Variants in GPM6A observed in about 807,000 individuals in gnomAD.
The protein encoded by GPM6A is neuronal membrane glycoprotein M6-a.
GPM6A carries 7 observed loss-of-function variants against 32.1 expected under a neutral mutation model. That is an observed-to-expected ratio of 0.22 (90% confidence interval 0.12 to 0.41). GPM6A has a LOEUF of 0.41. GPM6A is among the 10% of genes least tolerant of loss of function. GPM6A has a pLI of 1.00. For synonymous variants in GPM6A, 130 were observed against 123.4 expected (o/e 1.05, Z -0.35); for missense variants, 235 against 347.2 (o/e 0.68, Z 2.57).
chr4:175,823,272 T>C (rs1020313877), intron 1 of GPM6A, among the ~76,000 whole-genome samples: 1 of 152,232 alleles, frequency 6.6e-6, no homozygotes, highest in African/African-American at 2.4e-5. Context: ...TTCTTCAGTT[T>C]TGAGTAAAGG....
chr4:175,943,823 A>G (rs1049720134), intron 1 of GPM6A, among the ~76,000 whole-genome samples: 3 of 152,098 alleles, frequency 2.0e-5, no homozygotes, highest in African/African-American at 7.2e-5. Context: ...TTCATCAGGG[A>G]TATTGGCCTG....
intron 3 of GPM6A, among the ~76,000 whole-genome samples, chr4:175,669,736 A>G (rs905897543): frequency 1.3e-5 from 2 of 152,222 alleles, no homozygotes; most frequent in Non-Finnish European, 2.9e-5. Flanking sequence ...TTCTACCACC[A>G]GTGTCTCAGA....
chr4:175,953,754 T>C (rs139717947), intron 1 of GPM6A, among the ~76,000 whole-genome samples: 8,258 of 151,902 alleles, frequency 0.054, 692 homozygotes, highest in African/African-American at 0.18. Context: ...ACAAAATTAG[T>C]CAGGCATGGT....
chr4:175,693,670 A>G (rs59826391), intron 2 of GPM6A, among the ~76,000 whole-genome samples: 7,170 of 152,230 alleles, frequency 0.047, 203 homozygotes, highest in Non-Finnish European at 0.063. Flanking sequence ...TTCTCTCTGA[A>G]CCATAAAGAA....
intron 2 of GPM6A, among the ~76,000 whole-genome samples, chr4:175,680,708 C>T (rs977977636): frequency 2.6e-5 from 4 of 152,196 alleles, no homozygotes; most frequent in African/African-American, 9.7e-5. Context: ...CCTGTCCGTC[C>T]TGTTCCTTGT....
At chr4:175,757,474 G>T (rs1732573288) in intron 1 of GPM6A, among the ~76,000 whole-genome samples, 1 of 152,062 alleles carries the variant, frequency 6.6e-6, no homozygotes, top group African/African-American at 2.4e-5. Context: ...GTTGCTTTAT[G>T]TCACTAAAAT....
intron 1 of GPM6A, among the ~76,000 whole-genome samples, chr4:175,971,451 C>T (rs1042654261): frequency 6.6e-6 from 1 of 152,088 alleles, no homozygotes; most frequent in Non-Finnish European, 1.5e-5. Context: ...TCTTTAAAAA[C>T]CTCATTCATC....
At chr4:175,732,425 T>C (rs1272496298) in intron 1 of GPM6A, among the ~76,000 whole-genome samples, 1 of 152,198 alleles carries the variant, frequency 6.6e-6, no homozygotes, top group African/African-American at 2.4e-5. Flanking sequence ...TGTATAACTT[T>C]TAAAAGATGA....
chr4:175,993,490 A>G (rs1741214102), intron 1 of GPM6A, among the ~76,000 whole-genome samples: 1 of 152,028 alleles, frequency 6.6e-6, no homozygotes. Context: ...TTTCTTTCAC[A>G]AGGGCCTTTG....
chr4:175,876,478 C>G (rs1007718622), intron 1 of GPM6A, among the ~76,000 whole-genome samples: 5 of 152,152 alleles, frequency 3.3e-5, no homozygotes, highest in Admixed American at 1.3e-4. Context: ...ATATGCCACT[C>G]TATCTATTTT....
At chr4:175,914,018 G>C (rs1215014308) in intron 1 of GPM6A, among the ~76,000 whole-genome samples, 1 of 152,170 alleles carries the variant, frequency 6.6e-6, no homozygotes, top group African/African-American at 2.4e-5. Context: ...AAGGTTGAAG[G>C]CCTGCCTAGG....
At chr4:175,976,457 C>T (rs1740666371) in intron 1 of GPM6A, among the ~76,000 whole-genome samples, 1 of 152,074 alleles carries the variant, frequency 6.6e-6, no homozygotes, top group African/African-American at 2.4e-5. Context: ...TGAGCCACCA[C>T]GCCCAGCCAA....
chr4:175,757,181 C>T lies in GPM6A; in HGVS notation c.37+55010G>A, dbSNP rs530640381. Among the ~76,000 whole-genome samples the T allele has an allele frequency of 1.3e-4, 20 of 152,018 alleles. No homozygotes were observed. In the South Asian group the frequency reaches 4.0e-3, roughly 30 times the overall value. On this transcript the variant is annotated intron_variant, in intron 1 of 6. Coordinates refer to ENST00000393658, the MANE Select transcript of GPM6A (RefSeq NM_201591.3). ...ACAGGGGAGTGCTGCTTCAGTCACC[C>T]TAGGAGAAGTCAGAGCGAAGCTATG...
At chr4:175,640,458 A>T (rs188556510) in intron 5 of GPM6A, among the ~76,000 whole-genome samples, 53 of 152,336 alleles carry the variant, frequency 3.5e-4, no homozygotes, top group Admixed American at 3.5e-3. Context: ...CAGTAACATT[A>T]TAACAATATA....
At chr4:175,719,034 G>A (rs987936121) in intron 1 of GPM6A, among the ~76,000 whole-genome samples, 2 of 151,998 alleles carry the variant, frequency 1.3e-5, no homozygotes, top group African/African-American at 4.8e-5. Flanking sequence ...TAAGACATTT[G>A]CAGATACAAC....
At chr4:175,799,272 TC>T (rs1362050292) in intron 1 of GPM6A, among the ~76,000 whole-genome samples, 1 of 152,124 alleles carries the variant, frequency 6.6e-6, no homozygotes, top group African/African-American at 2.4e-5. Flanking sequence ...ATAATATACA[TC>T]ATTTCCTTTT....
chr4:175,765,922 C>T (rs555804016), intron 1 of GPM6A, among the ~76,000 whole-genome samples: 3 of 152,302 alleles, frequency 2.0e-5, no homozygotes, highest in East Asian at 1.9e-4. Context: ...CGTTTAACAA[C>T]GTCCTGCTCA....
chr4:175,658,894 T>C (rs1161231232), intron 3 of GPM6A, among the ~76,000 whole-genome samples: 2 of 152,152 alleles, frequency 1.3e-5, no homozygotes, highest in Non-Finnish European at 2.9e-5. Flanking sequence ...TCAATCTCAA[T>C]TGGCAAGGAT....
chr4:175,772,615 C>T (rs913838702), intron 1 of GPM6A, among the ~76,000 whole-genome samples: 5 of 152,074 alleles, frequency 3.3e-5, no homozygotes, highest in Admixed American at 6.6e-5. Context: ...TCCACTCCCT[C>T]TGGAGGAAAG....
Sources: allele counts gnomAD v4.1 joint callset (sites outside exome capture counted in the v4.1 genomes callset), GRCh38; gene constraint gnomAD v4.1.1; transcripts MANE v1.5; gene names NCBI Gene and HGNC (gene_info 2026-07-23, HGNC 2026-07-21).